BLM: variants seen among roughly 807,000 people sequenced by gnomAD.
BLM encodes recQ-like DNA helicase BLM.
In BLM, 95 loss-of-function variants were observed where a neutral mutation model predicts 135.3. The ratio of observed to expected loss-of-function variants is 0.70; its 90% CI spans 0.59 to 0.83. BLM has a LOEUF of 0.83. BLM is among the 40% of genes least tolerant of loss of function. The probability of loss-of-function intolerance (pLI) is 0.00; values close to 1 mark genes in which losing one functional copy is unlikely to be tolerated. For synonymous variants in BLM, 520 were observed against 589.2 expected (o/e 0.88, Z 1.70); for missense variants, 1,518 against 1,663.9 (o/e 0.91, Z 1.53).
At position 90,790,630 on chromosome 15, in the gene BLM, G is replaced by A; in HGVS notation, c.2824-19G>A. ...AGTCTGTGCCTTATGAATCTAATAAGCTTTTGCTTTTATATCAGGTTATCT... is the reference window on the plus strand; with the variant it reads ...AGTCTGTGCCTTATGAATCTAATAAACTTTTGCTTTTATATCAGGTTATCT... On this transcript the variant is annotated intron_variant, in intron 14 of 21. Coordinates refer to ENST00000355112, the MANE Select transcript of BLM (RefSeq NM_000057.4). 6.2e-7 allele frequency: 1 copy of A among 1,609,682 alleles called. No homozygotes were observed. Among genetic ancestry groups the A allele is most frequent in the Non-Finnish European group, 8.5e-7 (1 of 1,175,982 alleles).
At chr15:90,743,342 A>G (rs1159775410) in intron 1 of BLM, among the ~76,000 whole-genome samples, 1 of 152,168 alleles carries the variant, frequency 6.6e-6, no homozygotes, top group African/African-American at 2.4e-5. Context: ...AGAAAATTTT[A>G]ATCATTTTCC....
intron 1 of BLM, among the ~76,000 whole-genome samples, chr15:90,746,943 C>G (rs1429749594): frequency 6.6e-6 from 1 of 152,182 alleles, no homozygotes; most frequent in Admixed American, 6.5e-5. Context: ...TTCCCCAGTT[C>G]TGCCCTTGTG....
chr15:90,803,391 T>C (rs898055021), intron 17 of BLM, 130 bp from the exon 18 acceptor site: 18 of 649,938 alleles, frequency 2.8e-5, no homozygotes, highest in Admixed American at 6.5e-5. Context: ...CAGAAATGAG[T>C]GTCTGTGCCG....
chr15:90,767,378 T>A (rs903047190), intron 10 of BLM, among the ~76,000 whole-genome samples: 17 of 152,260 alleles, frequency 1.1e-4, no homozygotes, highest in Admixed American at 9.8e-4. Flanking sequence ...TATTCTGGTT[T>A]CACTAGTTGT....
intron 9 of BLM, among the ~76,000 whole-genome samples, chr15:90,766,707 C>G (rs28385035): frequency 6.6e-6 from 1 of 152,168 alleles, no homozygotes; most frequent in Non-Finnish European, 1.5e-5. Flanking sequence ...AAATTACAGG[C>G]GTGAGCCACC....
At chr15:90,806,384 G>A (rs1038524262) in intron 19 of BLM, among the ~76,000 whole-genome samples, 7 of 152,030 alleles carry the variant, frequency 4.6e-5, no homozygotes, top group Admixed American at 3.3e-4. Context: ...GGTGGCGGGC[G>A]CTTGTAATCC....
intron 10 of BLM, among the ~76,000 whole-genome samples, chr15:90,768,828 C>T (rs1015648975): frequency 6.6e-6 from 1 of 152,126 alleles, no homozygotes; most frequent in African/African-American, 2.4e-5. Context: ...CGAGTTCAAG[C>T]GATTCTCCTG....
At chr15:90,755,849 G>T (rs534298330) in intron 5 of BLM, among the ~76,000 whole-genome samples, 22 of 151,884 alleles carry the variant, frequency 1.4e-4, no homozygotes, top group African/African-American at 5.3e-4. Flanking sequence ...TTGTTCTCTG[G>T]ATATCTCTGT....
In BLM at chr15:90,747,508, T is replaced by C; in HGVS notation, c.98+18T>C. ...AAATTTTCGTAAGTGTTTTGACTGG[T>C]TTGCTGTCACATAGGCACTAACTTA... On this transcript the variant is annotated intron_variant, in intron 2 of 21. Coordinates refer to ENST00000355112, the MANE Select transcript of BLM (RefSeq NM_000057.4). 6.6e-7 allele frequency: 1 copy of C among 1,517,580 alleles called. No homozygotes were observed. The highest frequency in any genetic ancestry group is 1.1e-5 in the South Asian group (1 of 87,000). The allele number at this position is 1,517,580 out of a possible 1,614,324, so 94.0% of individuals were successfully genotyped here.
chr15:90,809,889 G>A (rs2073919), intron 20 of BLM, among the ~76,000 whole-genome samples: 23,451 of 152,102 alleles, frequency 0.15, 1,919 homozygotes, highest in Non-Finnish European at 0.19. Context: ...GCATTTTGTT[G>A]TAGGAAATAT....
intron 5 of BLM, among the ~76,000 whole-genome samples, chr15:90,757,708 C>T (rs1895855837): frequency 6.6e-6 from 1 of 152,024 alleles, no homozygotes; most frequent in South Asian, 2.1e-4. Context: ...AGCAATGTCC[C>T]TGTAGCCTCA....
At chr15:90,792,937 A>G (rs1896940512) in intron 15 of BLM, among the ~76,000 whole-genome samples, 2 of 151,452 alleles carry the variant, frequency 1.3e-5, no homozygotes, top group Admixed American at 6.6e-5. Flanking sequence ...TTTAAAATCT[A>G]TATTAAAGCT....
intron 1 of BLM, among the ~76,000 whole-genome samples, chr15:90,735,874 T>G (rs759418359): frequency 4.6e-5 from 7 of 151,854 alleles, no homozygotes; most frequent in Non-Finnish European, 1.0e-4. Flanking sequence ...AGGAAAAAAA[T>G]CTGCAAAATA....
intron 11 of BLM, 34 bp from the exon 12 acceptor site, chr15:90,769,404 T>G (rs1032560443): frequency 6.2e-7 from 1 of 1,613,446 alleles, no homozygotes; most frequent in Non-Finnish European, 8.5e-7. Flanking sequence ...AAGCTCCAAG[T>G]AGTCTGAAAA....
Position 90,760,285 on chromosome 15 carries a change from T to C in BLM, c.1220+6T>C. The C allele has an allele frequency of 6.2e-7, 1 of 1,614,042 alleles. No homozygotes were observed. The highest frequency in any genetic ancestry group is 8.5e-7 in the Non-Finnish European group (1 of 1,179,988). On this transcript the variant is annotated splice_donor_region_variant and intron_variant, in intron 6 of 21. Coordinates refer to ENST00000355112, the MANE Select transcript of BLM (RefSeq NM_000057.4). The stretch of plus-strand genomic sequence containing the variant: ...CTTCAGCAGCGGAACATAAGGTATC[T>C]TAATTTTCCCCCTTCTGGAATATAT...
At chr15:90,789,466 C>T (rs959622532) in intron 14 of BLM, among the ~76,000 whole-genome samples, 7 of 152,134 alleles carry the variant, frequency 4.6e-5, no homozygotes, top group South Asian at 2.1e-4. Flanking sequence ...CCGGACCTGT[C>T]GGCTGACACA....
At chr15:90,720,233 C>T (rs563659632) in intron 1 of BLM, among the ~76,000 whole-genome samples, 2 of 152,284 alleles carry the variant, frequency 1.3e-5, no homozygotes, top group South Asian at 2.1e-4. Context: ...ACTTCAGTGC[C>T]TACCATGATG....
chr15:90,797,004 A>C (rs1264747874), intron 16 of BLM, among the ~76,000 whole-genome samples: 2 of 152,098 alleles, frequency 1.3e-5, no homozygotes, highest in Non-Finnish European at 2.9e-5. Flanking sequence ...TAGTAAGCTT[A>C]AGGTAGGAAG....
At chr15:90,727,370 G>A (rs1894945789) in intron 1 of BLM, among the ~76,000 whole-genome samples, 2 of 151,794 alleles carry the variant, frequency 1.3e-5, no homozygotes, top group African/African-American at 4.8e-5. Context: ...GTGAATTATT[G>A]TATGTTATAT....
Sources: allele counts gnomAD v4.1 joint callset (sites outside exome capture counted in the v4.1 genomes callset), GRCh38; gene constraint gnomAD v4.1.1; transcripts MANE v1.5; gene names NCBI Gene and HGNC (gene_info 2026-07-23, HGNC 2026-07-21).